SEL1L2: variants seen among roughly 807,000 people sequenced by gnomAD.
SEL1L2 encodes the protein protein sel-1 homolog 2.
In SEL1L2, 89 loss-of-function variants were observed where a neutral mutation model predicts 98.8. The observed-to-expected ratio is 0.90, with a 90% CI of 0.76 to 1.07. The LOEUF (loss-of-function observed/expected upper bound fraction) is 1.07. SEL1L2 is among the 50% of genes least tolerant of loss of function. The probability of loss-of-function intolerance (pLI) is 0.00; values close to 1 mark genes in which losing one functional copy is unlikely to be tolerated. For missense variants in SEL1L2, 788 were observed against 812.0 expected (o/e 0.97, Z 0.36); for synonymous variants, 262 against 278.5 (o/e 0.94, Z 0.59).
intron 2 of SEL1L2, among the ~76,000 whole-genome samples, chr20:13,932,778 C>T (rs929660687): frequency 1.3e-4 from 20 of 151,718 alleles, no homozygotes; most frequent in Non-Finnish European, 2.8e-4. Flanking sequence ...TTTTTGTTTG[C>T]TTTTTTTTCC....
chr20:13,891,779 C>T (rs770335634), intron 5 of SEL1L2, among the ~76,000 whole-genome samples: 5 of 151,188 alleles, frequency 3.3e-5, no homozygotes, highest in African/African-American at 1.2e-4. Flanking sequence ...GACAAACAAA[C>T]GCTGAGGGAG....
intron 5 of SEL1L2, among the ~76,000 whole-genome samples, chr20:13,901,230 C>G (rs1401778377): frequency 9.2e-5 from 14 of 151,874 alleles, no homozygotes; most frequent in Non-Finnish European, 2.1e-4. Flanking sequence ...GCCCCCATGC[C>G]CGGCTAATTT....
In SEL1L2 at chr20:13,869,417, C is replaced by T. The variant is rs937851097; in HGVS notation, c.1255+86G>A. 3.8e-6 allele frequency: 4 copies of T among 1,047,672 alleles called. No homozygotes were observed. The African/African-American group carries it at 6.3e-5, about 17-fold the overall frequency. 64.9% of individuals were successfully genotyped at this position (1,047,672 alleles called of 1,614,324 possible). A position where few individuals can be genotyped will look rare whatever the true frequency, so the allele number is the denominator to read the frequency against. ...AATGTTCTGTCTAAACCACTCACACCAAACCTTTGATGTTTGTTATAAAAG... is the reference window on the plus strand; with the variant it reads ...AATGTTCTGTCTAAACCACTCACACTAAACCTTTGATGTTTGTTATAAAAG... On this transcript the variant is annotated intron_variant, in intron 14 of 19. Coordinates refer to ENST00000284951, the MANE Select transcript of SEL1L2 (RefSeq NM_025229.2).
At chr20:13,867,453 G>A (rs761142063) in intron 14 of SEL1L2, among the ~76,000 whole-genome samples, 1 of 152,200 alleles carries the variant, frequency 6.6e-6, no homozygotes, top group Admixed American at 6.5e-5. Flanking sequence ...AAAAGTGAAG[G>A]CTTTCCTTAG....
chr20:13,956,221 G>A, intron 1 of SEL1L2, 90 bp from the exon 2 acceptor site: 1 of 672,358 alleles, frequency 1.5e-6, no homozygotes, highest in Non-Finnish European at 2.4e-6. Context: ...AAAACTTCTA[G>A]AAAACTTTTA....
chr20:13,947,778 G>A (rs959981771), intron 2 of SEL1L2, among the ~76,000 whole-genome samples: 6 of 152,162 alleles, frequency 3.9e-5, no homozygotes, highest in South Asian at 2.1e-4. Context: ...TCATCCAGAC[G>A]CAGGTGCCCA....
chr20:13,926,182 GCA>G (rs1252028802), intron 3 of SEL1L2, among the ~76,000 whole-genome samples: 1 of 152,082 alleles, frequency 6.6e-6, no homozygotes, highest in Non-Finnish European at 1.5e-5. Flanking sequence ...CAGGCGTGGT[GCA>G]GGCGCCCGTA....
At chr20:13,932,724 C>A (rs1474328424) in intron 2 of SEL1L2, among the ~76,000 whole-genome samples, 1 of 152,288 alleles carries the variant, frequency 6.6e-6, no homozygotes, top group Non-Finnish European at 1.5e-5. Flanking sequence ...AGCCACCACA[C>A]CCGGCCCTTT....
intron 5 of SEL1L2, among the ~76,000 whole-genome samples, chr20:13,909,884 T>C (rs1293972128): frequency 1.3e-5 from 2 of 151,988 alleles, no homozygotes; most frequent in African/African-American, 4.8e-5. Flanking sequence ...AGCAGGAGAA[T>C]CTCTTGAACC....
chr20:13,926,114 T>C (rs6079223), intron 3 of SEL1L2, among the ~76,000 whole-genome samples: 57,655 of 151,944 alleles, frequency 0.38, 11,051 homozygotes, highest in Middle Eastern at 0.47. Flanking sequence ...GTCAGGAGAT[T>C]GAGACCATCC....
chr20:13,878,000 G>A (rs1214163070), intron 10 of SEL1L2, among the ~76,000 whole-genome samples: 1 of 152,202 alleles, frequency 6.6e-6, no homozygotes, highest in African/African-American at 2.4e-5. Flanking sequence ...TGGATACACA[G>A]TTTGCTAATG....
At chr20:13,962,478 G>A (rs1162056623) in intron 1 of SEL1L2, among the ~76,000 whole-genome samples, 7 of 152,124 alleles carry the variant, frequency 4.6e-5, no homozygotes, top group Non-Finnish European at 7.4e-5. Context: ...TGTCTCTGCT[G>A]ACCACCAGCT....
chr20:13,928,346 G>C (rs1041136573), intron 3 of SEL1L2: 1 of 152,250 alleles, frequency 6.6e-6, no homozygotes, highest in Non-Finnish European at 1.5e-5. Flanking sequence ...GAGAGCAGGA[G>C]GGGGTGTTTA....
At chr20:13,945,487 T>C (rs963623514) in intron 2 of SEL1L2, among the ~76,000 whole-genome samples, 1 of 146,318 alleles carries the variant, frequency 6.8e-6, no homozygotes, top group Non-Finnish European at 1.5e-5. Context: ...AATATATACA[T>C]ATATATATAT....
At chr20:13,983,583 C>T (rs373891788) in intron 1 of SEL1L2, among the ~76,000 whole-genome samples, 3 of 151,976 alleles carry the variant, frequency 2.0e-5, no homozygotes, top group South Asian at 2.1e-4. Flanking sequence ...TGCAATGGCA[C>T]GATCTCAACT....
chr20:13,891,793 A>G (rs1367015540), intron 5 of SEL1L2, among the ~76,000 whole-genome samples: 1 of 152,156 alleles, frequency 6.6e-6, no homozygotes, highest in Admixed American at 6.5e-5. Flanking sequence ...GAGGGAGTTT[A>G]TCATCACTAG....
chr20:13,872,429 TCTC>T, intron 12 of SEL1L2, among the ~76,000 whole-genome samples: 1 of 152,284 alleles, frequency 6.6e-6, no homozygotes, highest in East Asian at 1.9e-4. Context: ...GCTCGGCACT[TCTC>T]CTTGCTGCCG....
chr20:13,883,731 G>A (rs976390107), intron 10 of SEL1L2, among the ~76,000 whole-genome samples: 6 of 152,226 alleles, frequency 3.9e-5, no homozygotes, highest in Non-Finnish European at 8.8e-5. Flanking sequence ...AGTGGCTGGA[G>A]CTGACTGAAG....
chr20:13,967,540 CT>C (rs1193500495), intron 1 of SEL1L2, among the ~76,000 whole-genome samples: 10 of 152,130 alleles, frequency 6.6e-5, no homozygotes, highest in Non-Finnish European at 1.2e-4. Flanking sequence ...ATTTCTTTTC[CT>C]GGTAGAATTT....
Sources: gnomAD v4.1 joint callset for allele counts (sites outside exome capture counted in the v4.1 genomes callset) on GRCh38, gnomAD v4.1.1 for gene constraint, MANE v1.5 for transcripts, NCBI Gene and HGNC (gene_info 2026-07-23, HGNC 2026-07-21) for gene names.